AGBL4: variants seen among roughly 807,000 people sequenced by gnomAD.
AGBL4 encodes cytosolic carboxypeptidase 6.
AGBL4 carries 58 observed loss-of-function variants against 66.4 expected under a neutral mutation model. That is an observed-to-expected ratio of 0.87 (90% confidence interval 0.71 to 1.09). AGBL4 has a LOEUF of 1.09. Ranked by LOEUF, AGBL4 falls within the 50% of genes least tolerant of loss-of-function variation. The pLI is 0.00. For synonymous variants in AGBL4, 234 were observed against 222.9 expected, an observed-to-expected ratio of 1.05 and a Z score of -0.44; for missense variants, 579 against 631.0, an observed-to-expected ratio of 0.92 and a Z score of 0.88.
chr1:48,772,104 G>T (rs570423896), intron 6 of AGBL4, among the ~76,000 whole-genome samples: 2 of 152,330 alleles, frequency 1.3e-5, no homozygotes, highest in Admixed American at 6.5e-5. Flanking sequence ...ACTATATGCT[G>T]GGCACTGAGG....
At chr1:48,930,195 G>A (rs527337521) in intron 5 of AGBL4, among the ~76,000 whole-genome samples, 38 of 152,022 alleles carry the variant, frequency 2.5e-4, no homozygotes, top group Admixed American at 1.4e-3. Flanking sequence ...GATTAGACAC[G>A]TGTAAGGGAT....
intron 5 of AGBL4, among the ~76,000 whole-genome samples, chr1:49,040,184 C>A (rs1259053459): frequency 6.6e-6 from 1 of 151,820 alleles, no homozygotes; most frequent in Non-Finnish European, 1.5e-5. Context: ...TGACACTTCA[C>A]CAAAGAAGAT....
intron 12 of AGBL4, among the ~76,000 whole-genome samples, chr1:48,537,407 ACAGTTAAACT>A (rs1459439773): frequency 6.6e-6 from 1 of 152,166 alleles, no homozygotes; most frequent in Non-Finnish European, 1.5e-5. Flanking sequence ...AGTGCCATGA[ACAGTTAAACT>A]CAGGGCCCTG....
chr1:48,890,601 C>A (rs1650845144), intron 5 of AGBL4, among the ~76,000 whole-genome samples: 1 of 152,106 alleles, frequency 6.6e-6, no homozygotes, highest in Non-Finnish European at 1.5e-5. Context: ...TGTCCAATGT[C>A]CACTGAAGAG....
chr1:49,604,662 A>G (rs1645030976), intron 3 of AGBL4, among the ~76,000 whole-genome samples: 1 of 152,136 alleles, frequency 6.6e-6, no homozygotes, highest in Non-Finnish European at 1.5e-5. Flanking sequence ...TTGTCCAACA[A>G]TACAAAATAT....
intron 3 of AGBL4, among the ~76,000 whole-genome samples, chr1:49,247,578 G>GC (rs1480104756): frequency 2.0e-5 from 3 of 152,106 alleles, no homozygotes; most frequent in Admixed American, 6.6e-5. Context: ...GAGGGCATAA[G>GC]CCCCCCCTTT....
intron 5 of AGBL4, among the ~76,000 whole-genome samples, chr1:48,873,540 A>G (rs1262875257): frequency 6.6e-6 from 1 of 152,054 alleles, no homozygotes; most frequent in Non-Finnish European, 1.5e-5. Context: ...TCCTGAAGGC[A>G]GGCGCTGTGC....
chr1:49,287,728 G>A (rs1644447521), intron 3 of AGBL4, among the ~76,000 whole-genome samples: 2 of 150,058 alleles, frequency 1.3e-5, no homozygotes, highest in African/African-American at 4.9e-5. Context: ...GTGCTGGAGA[G>A]GATGTGGAGA....
intron 4 of AGBL4, chr1:49,048,359 A>T (rs766005917): frequency 1.3e-5 from 2 of 152,136 alleles, no homozygotes; most frequent in Non-Finnish European, 2.9e-5. Flanking sequence ...GAATTTGATT[A>T]TGTGCTATCA....
At chr1:49,973,686 G>C (rs1429784364) in intron 1 of AGBL4, among the ~76,000 whole-genome samples, 1 of 147,362 alleles carries the variant, frequency 6.8e-6, no homozygotes, top group East Asian at 2.0e-4. Context: ...ATATTATATA[G>C]AAATGATATT....
chr1:49,532,002 C>T (rs1167309), intron 3 of AGBL4, among the ~76,000 whole-genome samples: 103,483 of 151,996 alleles, frequency 0.68, 36,062 homozygotes, highest in African/African-American at 0.77. Context: ...ACTCTCACTA[C>T]GACTGCTCAG....
At chr1:49,701,019 TAAC>T (rs1207236481) in intron 2 of AGBL4, among the ~76,000 whole-genome samples, 2 of 152,094 alleles carry the variant, frequency 1.3e-5, no homozygotes, top group Admixed American at 6.6e-5. Context: ...AAAAAACTCT[TAAC>T]AAAGCTCACC....
chr1:49,240,506 C>G (rs184137835), intron 4 of AGBL4, among the ~76,000 whole-genome samples: 26 of 151,590 alleles, frequency 1.7e-4, no homozygotes, highest in African/African-American at 6.0e-4. Flanking sequence ...TCCCTCCACC[C>G]TGTTAAAAAA....
At chr1:48,928,186 G>A (rs1158615956) in intron 5 of AGBL4, among the ~76,000 whole-genome samples, 1 of 152,160 alleles carries the variant, frequency 6.6e-6, no homozygotes, top group African/African-American at 2.4e-5. Flanking sequence ...CTGCTAGAAG[G>A]AACAGACAGC....
chr1:49,665,166 C>A (rs992583053), intron 3 of AGBL4, among the ~76,000 whole-genome samples: 1 of 152,126 alleles, frequency 6.6e-6, no homozygotes, highest in African/African-American at 2.4e-5. Flanking sequence ...CCACTTACAA[C>A]CCCAATCATA....
chr1:48,754,928 C>T (rs1255701933), intron 6 of AGBL4, among the ~76,000 whole-genome samples: 2 of 152,146 alleles, frequency 1.3e-5, no homozygotes, highest in African/African-American at 4.8e-5. Context: ...AAGCCAGTGA[C>T]ACTTTTTGGG....
intron 3 of AGBL4, among the ~76,000 whole-genome samples, chr1:49,310,828 C>T (rs538873705): frequency 6.4e-4 from 97 of 152,054 alleles, no homozygotes; most frequent in African/African-American, 2.3e-3. Flanking sequence ...CAAAAAAGTA[C>T]GTCTGTAGTA....
chr1:48,670,193 G>A (rs1416464556), intron 6 of AGBL4, among the ~76,000 whole-genome samples: 2 of 152,228 alleles, frequency 1.3e-5, no homozygotes, highest in Non-Finnish European at 1.5e-5. Context: ...ATATTAAACT[G>A]CTCTTTTGTC....
chr1:48,913,908 G>A (rs186294394), intron 5 of AGBL4, among the ~76,000 whole-genome samples: 3 of 152,130 alleles, frequency 2.0e-5, no homozygotes, highest in Non-Finnish European at 4.4e-5. Context: ...TTTCATACCC[G>A]TGGAAGAAGG....
Sources: gnomAD v4.1 joint callset for allele counts (sites outside exome capture counted in the v4.1 genomes callset) on GRCh38, gnomAD v4.1.1 for gene constraint, MANE v1.5 for transcripts, NCBI Gene and HGNC (gene_info 2026-07-23, HGNC 2026-07-21) for gene names.